MED31: variants seen among roughly 807,000 people sequenced by gnomAD.
MED31 encodes mediator complex subunit 31.
MED31 carries 11 observed loss-of-function variants against 22.0 expected under a neutral mutation model. The ratio of observed to expected loss-of-function variants is 0.50; its 90% CI spans 0.31 to 0.83. MED31 has a LOEUF of 0.83. Among genes scored for constraint, MED31 ranks in the 40% least tolerant of loss-of-function variants. MED31 has a pLI of 0.04. For synonymous variants in MED31, 60 were observed against 55.1 expected, an observed-to-expected ratio of 1.09 and a Z score of -0.40; for missense variants, 122 against 155.3, an observed-to-expected ratio of 0.79 and a Z score of 1.14.
At chr17:6,651,420 C>A in intron 1 of MED31, 81 bp downstream of exon 1, 1 of 1,572,970 alleles carries the variant, frequency 6.4e-7, no homozygotes, top group South Asian at 1.1e-5. Context: ...AAGAGTAAGG[C>A]CTGGAAGGAG....
At chr17:6,645,157 A>G (rs1429152145) in intron 3 of MED31, among the ~76,000 whole-genome samples, 1 of 152,248 alleles carries the variant, frequency 6.6e-6, no homozygotes, top group Non-Finnish European at 1.5e-5. Flanking sequence ...AGGATTGGAC[A>G]AGCAAATATA....
rs1224499213 is a variant in MED31, at chr17:6,643,528, A to G, written c.*939T>C. The G allele has an allele frequency of 2.0e-5, 3 of 153,036 alleles. No individual in the cohort carries two copies. Among genetic ancestry groups the G allele is most frequent in the African/African-American group, 7.2e-5 (3 of 41,466 alleles). 9.5% of individuals were successfully genotyped at this position (153,036 alleles called of 1,614,324 possible). ...GAGCACTAGAAGCAGTTTGTTTTGC[A>G]GCTGTCTCAATGTGCTTTACTTGGG... is the stretch of plus-strand genomic sequence containing the variant. On this transcript the variant is annotated 3_prime_UTR_variant, in exon 4 of 4. Coordinates refer to ENST00000225728, the MANE Select transcript of MED31 (RefSeq NM_016060.3).
chr17:6,644,747 T>G (rs1227006951), intron 3 of MED31, 88 bp from the exon 4 acceptor site: 6 of 1,390,058 alleles, frequency 4.3e-6, no homozygotes, highest in African/African-American at 1.5e-5. Context: ...AAAACGATCT[T>G]GTAGCCTACC....
chr17:6,651,119 T>C (rs1597635273), intron 1 of MED31, among the ~76,000 whole-genome samples: 2 of 13,974 alleles, frequency 1.4e-4, no homozygotes, highest in Non-Finnish European at 1.1e-4. Flanking sequence ...AGACGCTGTC[T>C]CAAAAAAAAA....
At position 6,644,159 on chromosome 17, in the gene MED31, A is replaced by G. The variant is rs544235034; in HGVS notation, c.*308T>C. On this transcript the variant is annotated 3_prime_UTR_variant, in exon 4 of 4. Coordinates refer to ENST00000225728, the MANE Select transcript of MED31 (RefSeq NM_016060.3). ...TAGAATTCAGTATACTTGGTGGCCCACCCCTACCCCATGCCCCAGTGCCTT... is the reference window on the plus strand; with the variant it reads ...TAGAATTCAGTATACTTGGTGGCCCGCCCCTACCCCATGCCCCAGTGCCTT... The G allele has an allele frequency of 1.8e-4, 75 of 427,666 alleles. 2 individuals carry two copies. Among genetic ancestry groups the G allele is most frequent in the African/African-American group, 1.4e-3 (68 of 49,074 alleles). 26.5% of individuals were successfully genotyped at this position (427,666 alleles called of 1,614,324 possible).
intron 1 of MED31, chr17:6,651,202 G>GT (rs924283107): frequency 7.1e-6 from 2 of 281,952 alleles, no homozygotes; most frequent in African/African-American, 4.5e-5. Flanking sequence ...GCAAGCTCAT[G>GT]TGAGAAGCAG....
At position 6,643,757 on chromosome 17, in the gene MED31, T is replaced by C. The variant is rs564433590; in HGVS notation, c.*710A>G. The C allele has an allele frequency of 2.1e-4, 42 of 202,304 alleles. No individual in the cohort carries two copies. The highest frequency in any genetic ancestry group is 9.2e-4 in the African/African-American group (40 of 43,682). 12.5% of individuals were successfully genotyped at this position (202,304 alleles called of 1,614,324 possible). A position where few individuals can be genotyped will look rare whatever the true frequency, so the allele number is the denominator to read the frequency against. On this transcript the variant is annotated 3_prime_UTR_variant, in exon 4 of 4. Coordinates refer to ENST00000225728, the MANE Select transcript of MED31 (RefSeq NM_016060.3). ...TGAGAATTCAAGGAAGCACTTAACA[T>C]AGCACCTGGTTTGTGGTACCTCCCA...
Position 6,644,036 on chromosome 17 carries a change from T to C in MED31, c.*431A>G. 1 of 401,130 alleles carries C rather than the reference T, an allele frequency of 2.5e-6. No homozygotes were observed. Among genetic ancestry groups the C allele is most frequent in the Non-Finnish European group, 4.4e-6 (1 of 227,566 alleles). The allele number at this position is 401,130 out of a possible 1,614,324, so 24.8% of individuals were successfully genotyped here. A position where few individuals can be genotyped will look rare whatever the true frequency, so the allele number is the denominator to read the frequency against. On this transcript the variant is annotated 3_prime_UTR_variant, in exon 4 of 4. Coordinates refer to ENST00000225728, the MANE Select transcript of MED31 (RefSeq NM_016060.3). ...AAAGAGGTCAGTGACTCCGCTACTC[T>C]CACTACATCTTAGAGTAGAGTGGTA... is the stretch of plus-strand genomic sequence containing the variant.
chr17:6,644,507 A>T lies in MED31; in HGVS notation c.356T>A (p.Leu119Ter). 1 of 1,609,230 alleles carries T rather than the reference A, an allele frequency of 6.2e-7. No individual in the cohort carries two copies. The highest frequency in any genetic ancestry group is 8.5e-7 in the Non-Finnish European group (1 of 1,178,746). Residue 119 changes from leucine (L) to a stop codon, truncating the protein, a stop_gained, in exon 4 of 4, where the codon TTG becomes TAG. Coordinates refer to ENST00000225728, the MANE Select transcript of MED31 (RefSeq NM_016060.3). LOFTEE classifies it high-confidence loss of function. ...GTTATTTTGCTGTTGCTGCTCTGCC[A>T]AGGCTTGCTGAAGGCGCATCCGCTT... ...SRKRMRLQQA[L>*]AEQQQQNNTS...
chr17:6,645,453 C>G (rs1005433536), intron 3 of MED31, among the ~76,000 whole-genome samples: 1 of 151,994 alleles, frequency 6.6e-6, no homozygotes, highest in Non-Finnish European at 1.5e-5. Context: ...TTCCAAGGAG[C>G]AGGTTTCCTT....
intron 3 of MED31, 76 bp from the exon 4 acceptor site, chr17:6,644,735 T>C: frequency 1.4e-5 from 20 of 1,430,034 alleles, no homozygotes; most frequent in Non-Finnish European, 1.8e-5. Flanking sequence ...GTTATTCTCT[T>C]AAAAACGATC....
Position 6,643,944 on chromosome 17 carries a change from A to G in MED31, c.*523T>C, listed in dbSNP as rs1425028669. ...GATTCTTAAAGCCACCTTGCAAAGC[A>G]GGTAATACAGTTATTTCCTGTCCTG... On this transcript the variant is annotated 3_prime_UTR_variant, in exon 4 of 4. Coordinates refer to ENST00000225728, the MANE Select transcript of MED31 (RefSeq NM_016060.3). 7.6e-6 allele frequency: 3 copies of G among 395,816 alleles called. No individual in the cohort carries two copies. Among genetic ancestry groups the G allele is most frequent in the African/African-American group, 6.2e-5 (3 of 48,592 alleles). The allele number at this position is 395,816 out of a possible 1,614,324, so 24.5% of individuals were successfully genotyped here.
intron 3 of MED31, among the ~76,000 whole-genome samples, chr17:6,649,331 A>G (rs570814818): frequency 6.6e-6 from 1 of 151,664 alleles, no homozygotes; most frequent in African/African-American, 2.4e-5. Flanking sequence ...CCTGAATGGT[A>G]AATATATATA....
chr17:6,646,213 T>C (rs529907392), intron 3 of MED31, among the ~76,000 whole-genome samples: 1 of 152,334 alleles, frequency 6.6e-6, no homozygotes, highest in East Asian at 1.9e-4. Flanking sequence ...GGTAATAATA[T>C]TAATGTGCTG....
intron 2 of MED31, 71 bp downstream of exon 2, chr17:6,650,285 T>C: frequency 6.8e-7 from 1 of 1,480,202 alleles, no homozygotes; most frequent in Admixed American, 1.7e-5. Context: ...GTAGATACTA[T>C]TTTGAACTGC....
Position 6,650,022 on chromosome 17 carries a change from A to T in MED31, c.163T>A (p.Leu55Met). Residue 55 changes from leucine to methionine, a missense_variant, in exon 3 of 4, where the codon TTG becomes ATG. Coordinates refer to ENST00000225728, the MANE Select transcript of MED31 (RefSeq NM_016060.3). ...DKAFVNYLKY[L>M]LYWKDPEYAK... ...TATTCTGGGTCTTTCCAGTAAAGCAAGTATTTAAGATAATTAACAAAAGCT... is the reference window on the plus strand; with the variant it reads ...TATTCTGGGTCTTTCCAGTAAAGCATGTATTTAAGATAATTAACAAAAGCT... 1 of 1,604,224 alleles carries T rather than the reference A, an allele frequency of 6.2e-7. No individual in the cohort carries two copies.
intron 3 of MED31, among the ~76,000 whole-genome samples, chr17:6,649,607 A>G (rs983649109): frequency 3.9e-5 from 6 of 152,372 alleles, no homozygotes; most frequent in African/African-American, 1.2e-4. Context: ...GCCAGATCGT[A>G]TAAGGCTTTA....
intron 3 of MED31, 129 bp downstream of exon 3, chr17:6,649,853 T>C (rs1597634519): frequency 3.3e-6 from 3 of 899,104 alleles, no homozygotes; most frequent in Non-Finnish European, 3.1e-6. Flanking sequence ...GATGAGGGTG[T>C]CTTGTATTAA....
intron 3 of MED31, among the ~76,000 whole-genome samples, chr17:6,646,867 T>A (rs1358782645): frequency 6.6e-6 from 1 of 152,248 alleles, no homozygotes; most frequent in Non-Finnish European, 1.5e-5. Context: ...TGAAGGCTTC[T>A]GTCTCCTGCT....
Sources: gnomAD v4.1 joint callset for allele counts (sites outside exome capture counted in the v4.1 genomes callset) on GRCh38, gnomAD v4.1.1 for gene constraint, MANE v1.5 for transcripts, NCBI Gene and HGNC (gene_info 2026-07-23, HGNC 2026-07-21) for gene names.